The following CSPP1 variants were observed in gnomAD, a reference collection of about 807,000 sequenced individuals.
CSPP1 encodes the protein centrosome and spindle pole associated protein 1, also known as centrosome and spindle pole-associated protein 1.
CSPP1 carries 126 observed loss-of-function variants against 164.4 expected under a neutral mutation model. That is an observed-to-expected ratio of 0.77 (90% CI 0.66 to 0.89). The LOEUF (loss-of-function observed/expected upper bound fraction) is 0.89, where lower values mean the gene tolerates loss of function less well. CSPP1 is among the 40% of genes least tolerant of loss of function. The pLI is 0.00. For missense variants in CSPP1, 1,395 were observed against 1,449.8 expected (o/e 0.96, Z 0.61); for synonymous variants, 472 against 476.7 (o/e 0.99, Z 0.13).
intron 10 of CSPP1, 94 bp downstream of exon 10, chr8:67,112,159 T>C (rs1816982782): frequency 1.4e-6 from 1 of 733,990 alleles, no homozygotes; most frequent in Non-Finnish European, 2.3e-6. Context: ...CGTTCTAATA[T>C]GATGTTTGAT....
chr8:67,118,662 C>T (rs1158457011), intron 14 of CSPP1, 81 bp from the exon 15 acceptor site: 1 of 1,009,850 alleles, frequency 9.9e-7, no homozygotes, highest in Non-Finnish European at 1.5e-6. Context: ...GATTATGCAC[C>T]TTTTTCTGGA....
chr8:67,115,884 T>C (rs1258851988), intron 12 of CSPP1, 30 bp from the exon 13 acceptor site: 2 of 1,576,190 alleles, frequency 1.3e-6, no homozygotes, highest in East Asian at 4.5e-5. Flanking sequence ...TGATTATATG[T>C]AACAAACAGA....
Position 67,193,495 on chromosome 8 carries a change from G to GTC in CSPP1, c.3370_3371dup (p.Lys1125Ter), listed in dbSNP as rs1206214608. 6 of 1,613,372 alleles carry GTC rather than the reference G, an allele frequency of 3.7e-6. No individual in the cohort carries two copies. Among genetic ancestry groups the GTC allele is most frequent in the Non-Finnish European group, 5.1e-6 (6 of 1,179,328 alleles). The stretch of plus-strand genomic sequence containing the variant: ...AGTCGTCCTAATGTAGCACCAGATG[G>GTC]TCTCTCTCTAAAATCTATATCCAGT... On this transcript the variant is annotated frameshift_variant, in exon 30 of 31. Transcript: ENST00000678616. LOFTEE classifies it high-confidence loss of function.
intron 19 of CSPP1, among the ~76,000 whole-genome samples, chr8:67,157,300 CTT>C (rs1033743098): frequency 6.9e-6 from 1 of 144,726 alleles, no homozygotes; most frequent in Admixed American, 7.0e-5. Context: ...GATTAAAGTT[CTT>C]TTTTTTTTTT....
intron 1 of CSPP1, among the ~76,000 whole-genome samples, chr8:67,067,766 G>C (rs1393464811): frequency 2.0e-5 from 3 of 152,126 alleles, no homozygotes; most frequent in African/African-American, 7.2e-5. Flanking sequence ...CGCGGCTGCA[G>C]GCTCTGTTTT....
chr8:67,083,308 C>T (rs918905524), intron 3 of CSPP1, among the ~76,000 whole-genome samples: 1 of 151,444 alleles, frequency 6.6e-6, no homozygotes, highest in African/African-American at 2.4e-5. Context: ...CCAAGGTGGG[C>T]GGATCATGAG....
At chr8:67,107,379 G>T (rs1279185823) in intron 9 of CSPP1, among the ~76,000 whole-genome samples, 1 of 152,130 alleles carries the variant, frequency 6.6e-6, no homozygotes, top group Non-Finnish European at 1.5e-5. Context: ...TAAAATAAGA[G>T]AAATGTCTTT....
intron 18 of CSPP1, among the ~76,000 whole-genome samples, chr8:67,151,071 A>C (rs1406798461): frequency 2.6e-5 from 4 of 152,334 alleles, no homozygotes; most frequent in Non-Finnish European, 5.9e-5. Flanking sequence ...TTAGAGTCAT[A>C]GCCCTGCATC....
chr8:67,067,777 T>TAAA (rs941652725), intron 1 of CSPP1, among the ~76,000 whole-genome samples: 1 of 152,108 alleles, frequency 6.6e-6, no homozygotes, highest in African/African-American at 2.4e-5. Context: ...GCTCTGTTTT[T>TAAA]AAGAGGTAAA....
intron 26 of CSPP1, among the ~76,000 whole-genome samples, chr8:67,176,204 G>T (rs1831585581): frequency 6.6e-6 from 1 of 152,078 alleles, no homozygotes; most frequent in African/African-American, 2.4e-5. Flanking sequence ...CCAGCCTTCA[G>T]GCCATCGAGG....
intron 6 of CSPP1, among the ~76,000 whole-genome samples, 179 bp downstream of exon 6, chr8:67,093,820 C>T (rs1426304813): frequency 2.0e-5 from 3 of 152,000 alleles, no homozygotes; most frequent in Non-Finnish European, 4.4e-5. Flanking sequence ...TATTTTATCT[C>T]ATATTGAAGA....
At chr8:67,131,010 T>C (rs1821127845) in intron 15 of CSPP1, among the ~76,000 whole-genome samples, 1 of 151,930 alleles carries the variant, frequency 6.6e-6, no homozygotes, top group African/African-American at 2.4e-5. Flanking sequence ...AAACAAAAAA[T>C]TATAAAATCA....
At chr8:67,163,478 C>G (rs1165318434) in intron 22 of CSPP1, among the ~76,000 whole-genome samples, 1 of 151,836 alleles carries the variant, frequency 6.6e-6, no homozygotes, top group Non-Finnish European at 1.5e-5. Flanking sequence ...TGAAGGGATT[C>G]TGTTTGGGTA....
chr8:67,065,203 G>A (rs778681018), intron 1 of CSPP1, among the ~76,000 whole-genome samples: 79 of 152,198 alleles, frequency 5.2e-4, no homozygotes, highest in Non-Finnish European at 9.0e-4. Flanking sequence ...ATTTCCCCCC[G>A]TGATTGCCCG....
intron 7 of CSPP1, among the ~76,000 whole-genome samples, chr8:67,098,410 T>TC (rs1482842347): frequency 6.7e-6 from 1 of 150,160 alleles, no homozygotes; most frequent in Non-Finnish European, 1.5e-5. Context: ...TACTTTTTTT[T>TC]CATATACCAT....
chr8:67,176,552 G>C (rs1007171099), intron 26 of CSPP1, among the ~76,000 whole-genome samples: 1 of 152,158 alleles, frequency 6.6e-6, no homozygotes. Context: ...TCTGGAGAGA[G>C]GAGAGAAGCA....
rs375847469 is a variant in CSPP1, at chr8:67,131,956, C to T, written c.1703C>T (p.Thr568Met). Reference sequence around the variant, plus strand: ...TTATTGTGTATTTGATGTAGGAATACGGTTGGACAGAATGAACTGAAGATT... The same window carrying T: ...TTATTGTGTATTTGATGTAGGAATATGGTTGGACAGAATGAACTGAAGATT... ...THQLAQPVVN[T>M]VGQNELKITS... The change falls in exon 16 of 31, where the codon ACG (threonine) becomes ATG (methionine). Residue 568 changes from threonine to methionine, a missense_variant. Coordinates refer to ENST00000678616, the MANE Select transcript of CSPP1 (RefSeq NM_001382391.1). 2.6e-5 allele frequency: 42 copies of T among 1,605,540 alleles called. No individual in the cohort carries two copies. The highest frequency in any genetic ancestry group is 4.5e-5 in the South Asian group (4 of 89,594).
intron 25 of CSPP1, 96 bp from the exon 26 acceptor site, chr8:67,175,200 G>A (rs369984993): frequency 2.3e-6 from 2 of 867,170 alleles, no homozygotes; most frequent in Non-Finnish European, 3.7e-6. Context: ...CCTTGATTTT[G>A]AAATTAGGTT....
intron 24 of CSPP1, among the ~76,000 whole-genome samples, chr8:67,167,674 A>C (rs552732602): frequency 6.6e-6 from 1 of 151,180 alleles, no homozygotes; most frequent in African/African-American, 2.4e-5. Flanking sequence ...GCGGCCGGGC[A>C]GAGGCGCTCC....
Sources: allele counts gnomAD v4.1 joint callset (sites outside exome capture counted in the v4.1 genomes callset), GRCh38; gene constraint gnomAD v4.1.1; transcripts MANE v1.5; gene names NCBI Gene and HGNC (gene_info 2026-07-23, HGNC 2026-07-21).